The following ARHGAP15 variants were observed in gnomAD, a reference collection of about 807,000 sequenced individuals.
ARHGAP15 encodes the protein Rho GTPase activating protein 15.
A neutral mutation model predicts 63.7 loss-of-function variants in ARHGAP15; 51 were observed. The ratio of observed to expected loss-of-function variants is 0.80; its 90% confidence interval spans 0.64 to 1.01. The LOEUF (loss-of-function observed/expected upper bound fraction) is 1.01. Ranked by LOEUF, ARHGAP15 falls within the 50% of genes least tolerant of loss-of-function variation. The pLI is 0.00. For synonymous variants in ARHGAP15, 191 were observed against 193.8 expected, an observed-to-expected ratio of 0.99 and a Z score of 0.12; for missense variants, 560 against 564.6, an observed-to-expected ratio of 0.99 and a Z score of 0.08.
chr2:143,527,425 T>C (rs1403372443), intron 10 of ARHGAP15, among the ~76,000 whole-genome samples: 1 of 152,002 alleles, frequency 6.6e-6, no homozygotes, highest in African/African-American at 2.4e-5. Flanking sequence ...TTTCTTGTTT[T>C]ATCTCTCTTT....
rs779278702 is a variant in ARHGAP15, at chr2:143,436,892, C to T, written c.574-21C>T. 6 of 1,601,134 alleles carry T rather than the reference C, an allele frequency of 3.7e-6. No homozygotes were observed. In the Admixed American group the frequency reaches 1.1e-4, roughly 28 times the overall value. ...TTTCTTTCTAGTAAAATTATTCAGT[C>T]TAATTATTTGCTGTTTCCAGCCAAA... is the stretch of plus-strand genomic sequence containing the variant. On this transcript the variant is annotated intron_variant, in intron 7 of 13. Transcript: ENST00000295095.
At chr2:143,767,779 T>C (rs2072970968) in intron 13 of ARHGAP15, among the ~76,000 whole-genome samples, 1 of 152,152 alleles carries the variant, frequency 6.6e-6, no homozygotes, top group South Asian at 2.1e-4. Flanking sequence ...TCAGCTATTA[T>C]GGGGGTAAAA....
At chr2:143,644,808 G>C (rs1680789976) in intron 12 of ARHGAP15, among the ~76,000 whole-genome samples, 1 of 151,974 alleles carries the variant, frequency 6.6e-6, no homozygotes, top group South Asian at 2.1e-4. Flanking sequence ...AGCCATTTTA[G>C]TTCTAGTCCT....
chr2:143,132,054 T>G (rs1004318570), intron 1 of ARHGAP15, among the ~76,000 whole-genome samples: 1 of 152,168 alleles, frequency 6.6e-6, no homozygotes, highest in Non-Finnish European at 1.5e-5. Flanking sequence ...CCCATACACT[T>G]AGAAATTATT....
At chr2:143,589,158 A>G (rs575585945) in intron 11 of ARHGAP15, among the ~76,000 whole-genome samples, 207 of 152,140 alleles carry the variant, frequency 1.4e-3, no homozygotes, top group Middle Eastern at 3.2e-3. Context: ...CCTCCTTTCA[A>G]CATATCATTA....
At position 143,156,060 on chromosome 2, in the gene ARHGAP15, ATG is replaced by A. The variant is rs561323683; in HGVS notation, c.165+408_165+409del. ...AAAAAAAAAAATCTCAAAAAAAAAA[ATG>A]TGAAAATCTCTTCCTTAAAATCTCC... On this transcript the variant is annotated intron_variant, in intron 2 of 13. Transcript: ENST00000295095. Among the ~76,000 whole-genome samples, 1,123 of 151,400 alleles carry A rather than the reference ATG, an allele frequency of 7.4e-3. 10 individuals carry two copies. The highest frequency in any genetic ancestry group is 0.027 in the African/African-American group (1,087 of 40,988).
At chr2:143,292,934 A>G (rs1682471441) in intron 6 of ARHGAP15, among the ~76,000 whole-genome samples, 1 of 152,060 alleles carries the variant, frequency 6.6e-6, no homozygotes, top group African/African-American at 2.4e-5. Flanking sequence ...CAAAGTTCCA[A>G]TCCAACAGTA....
At chr2:143,638,402 C>CA (rs527310833) in intron 12 of ARHGAP15, among the ~76,000 whole-genome samples, 34,392 of 142,004 alleles carry the variant, frequency 0.24, 4,109 homozygotes, top group Middle Eastern at 0.32. Flanking sequence ...ATCTCAAGAA[C>CA]AAAAAACCAA....
intron 3 of ARHGAP15, among the ~76,000 whole-genome samples, chr2:143,215,727 C>T (rs940571290): frequency 4.6e-5 from 7 of 152,166 alleles, no homozygotes; most frequent in African/African-American, 1.7e-4. Flanking sequence ...TTGCCAAAAC[C>T]TCCGCAAACA....
chr2:143,551,212 T>C (rs970403013), intron 10 of ARHGAP15, among the ~76,000 whole-genome samples: 1 of 152,180 alleles, frequency 6.6e-6, no homozygotes, highest in Non-Finnish European at 1.5e-5. Context: ...AGTGCAATGC[T>C]GTGATCAAGG....
At chr2:143,501,923 A>T (rs948304440) in intron 9 of ARHGAP15, among the ~76,000 whole-genome samples, 13 of 152,300 alleles carry the variant, frequency 8.5e-5, no homozygotes, top group Admixed American at 7.8e-4. Flanking sequence ...GAAGAACAGG[A>T]TGGGAAGCAG....
chr2:143,266,018 C>T lies in ARHGAP15; in HGVS notation c.474+15418C>T, dbSNP rs550305094. ...GGTAAAATTATTCAGTTACATCAAA[C>T]TCTAGGTGTTAAGTGATTTTTTTTC... On this transcript the variant is annotated intron_variant, in intron 6 of 13. Coordinates refer to ENST00000295095, the MANE Select transcript of ARHGAP15 (RefSeq NM_018460.4). 8.7e-5 allele frequency among the ~76,000 whole-genome samples: 13 copies of T among 149,864 alleles called. No homozygotes were observed. The South Asian group carries it at 2.8e-3, about 33-fold the overall frequency.
At chr2:143,398,276 G>C (rs1292495711) in intron 6 of ARHGAP15, among the ~76,000 whole-genome samples, 1 of 152,104 alleles carries the variant, frequency 6.6e-6, no homozygotes, top group Non-Finnish European at 1.5e-5. Context: ...GAGAATTAAA[G>C]TTTCCTAGAA....
At position 143,256,141 on chromosome 2, in the gene ARHGAP15, C is replaced by CA. The variant is rs1680415144; in HGVS notation, c.474+5543dup. 4.6e-5 allele frequency among the ~76,000 whole-genome samples: 7 copies of CA among 152,230 alleles called. No individual in the cohort carries two copies. The South Asian group carries it at 1.5e-3, about 32-fold the overall frequency. On this transcript the variant is annotated intron_variant, in intron 6 of 13. Transcript: ENST00000295095. ...CATCTGTGTTAATACTAAAATGAAG[C>CA]AATCCTGTATGTTTGTTTGAGAGCA...
intron 9 of ARHGAP15, among the ~76,000 whole-genome samples, chr2:143,506,354 C>T (rs1693320597): frequency 6.6e-6 from 1 of 152,154 alleles, no homozygotes; most frequent in Admixed American, 6.5e-5. Context: ...AGACTTGTCA[C>T]TCAAACAAAT....
At chr2:143,249,155 G>T (rs1649248958) in intron 5 of ARHGAP15, among the ~76,000 whole-genome samples, 1 of 152,042 alleles carries the variant, frequency 6.6e-6, no homozygotes. Context: ...AAGGAGCATG[G>T]CTCATTTTGA....
At chr2:143,462,425 A>G (rs184164731) in intron 8 of ARHGAP15, among the ~76,000 whole-genome samples, 2 of 152,318 alleles carry the variant, frequency 1.3e-5, no homozygotes. Context: ...CTGCAATGCC[A>G]TGATAGCAAA....
At chr2:143,189,884 C>G (rs1024466646) in intron 2 of ARHGAP15, among the ~76,000 whole-genome samples, 2 of 152,092 alleles carry the variant, frequency 1.3e-5, no homozygotes, top group African/African-American at 2.4e-5. Flanking sequence ...TAATGCCACT[C>G]TCATTTATTA....
At chr2:143,354,181 A>G (rs1685705810) in intron 6 of ARHGAP15, among the ~76,000 whole-genome samples, 2 of 152,146 alleles carry the variant, frequency 1.3e-5, no homozygotes, top group Non-Finnish European at 2.9e-5. Context: ...GGGAACTGGT[A>G]AGCTCTGAGG....
Sources: allele counts gnomAD v4.1 joint callset (sites outside exome capture counted in the v4.1 genomes callset), GRCh38; gene constraint gnomAD v4.1.1; transcripts MANE v1.5; gene names NCBI Gene and HGNC (gene_info 2026-07-23, HGNC 2026-07-21).